ROBO2: variants seen among roughly 807,000 people sequenced by gnomAD.
The protein encoded by ROBO2 is roundabout homolog 2.
In ROBO2, 53 loss-of-function variants were observed where a neutral mutation model predicts 160.8. The ratio of observed to expected loss-of-function variants is 0.33; its 90% confidence interval spans 0.26 to 0.41. The LOEUF (loss-of-function observed/expected upper bound fraction) is 0.41, where lower values mean the gene tolerates loss of function less well. Ranked by LOEUF, ROBO2 falls within the 10% of genes least tolerant of loss-of-function variation. ROBO2 has a pLI of 1.00. For synonymous variants in ROBO2, 664 were observed against 611.7 expected (o/e 1.09, Z -1.26); for missense variants, 1,577 against 1,722.4 (o/e 0.92, Z 1.49).
chr3:76,960,125 T>TCAATTTGACAC (rs58696276), intron 2 of ROBO2, among the ~76,000 whole-genome samples: 6,515 of 151,974 alleles, frequency 0.043, 444 homozygotes, highest in African/African-American at 0.15. Context: ...GTTTTTGACA[T>TCAATTTGACAC]TTCTCATCAA....
intron 2 of ROBO2, among the ~76,000 whole-genome samples, chr3:75,999,855 A>C (rs2065833327): frequency 6.6e-6 from 1 of 152,242 alleles, no homozygotes; most frequent in Admixed American, 6.5e-5. Context: ...CCTTAAACTC[A>C]TCATGTTGAT....
intron 1 of ROBO2, among the ~76,000 whole-genome samples, chr3:77,053,069 T>C (rs969459597): frequency 6.6e-6 from 1 of 152,216 alleles, no homozygotes; most frequent in Non-Finnish European, 1.5e-5. Context: ...TCTCCTTTTA[T>C]CTTTTGATTA....
intron 2 of ROBO2, among the ~76,000 whole-genome samples, chr3:76,261,944 A>C (rs1446246392): frequency 1.3e-5 from 2 of 152,224 alleles, no homozygotes; most frequent in African/African-American, 4.8e-5. Context: ...TTTTTGGAGG[A>C]GATGTATAGC....
Position 76,608,652 on chromosome 3 carries a change from C to T in ROBO2, c.110-489362C>T, listed in dbSNP as rs6810299. Among the ~76,000 whole-genome samples, 961 of 152,204 alleles carry T rather than the reference C, an allele frequency of 6.3e-3. 11 individuals carry two copies. Among genetic ancestry groups the T allele is most frequent in the South Asian group, 0.059 (286 of 4,816 alleles). On this transcript the variant is annotated intron_variant, in intron 2 of 26. Coordinates refer to the ROBO2 transcript ENST00000487694. ...ATTATTCAAGAAATCTTTGCCCAGACCAACATCCTGGAGAGTTTTCCCAAT... is the reference window on the plus strand; with the variant it reads ...ATTATTCAAGAAATCTTTGCCCAGATCAACATCCTGGAGAGTTTTCCCAAT...
At chr3:75,916,314 A>C (rs978720248) in intron 1 of ROBO2, among the ~76,000 whole-genome samples, 1 of 152,202 alleles carries the variant, frequency 6.6e-6, no homozygotes, top group African/African-American at 2.4e-5. Flanking sequence ...TATCTGATCC[A>C]TCAAAAAATT....
chr3:77,338,635 T>C (rs933619641), intron 2 of ROBO2, among the ~76,000 whole-genome samples: 7 of 152,150 alleles, frequency 4.6e-5, no homozygotes, highest in African/African-American at 1.2e-4. Context: ...AGTGCAGTTA[T>C]TGAATTAAAA....
chr3:76,371,098 G>T (rs573813592), intron 2 of ROBO2, among the ~76,000 whole-genome samples: 10 of 152,062 alleles, frequency 6.6e-5, no homozygotes, highest in Admixed American at 1.3e-4. Flanking sequence ...GTGAATCCAA[G>T]TATGTGAGTG....
intron 2 of ROBO2, among the ~76,000 whole-genome samples, chr3:76,285,479 T>C (rs998870538): frequency 1.3e-5 from 2 of 151,972 alleles, no homozygotes; most frequent in African/African-American, 4.8e-5. Flanking sequence ...AAGTCAAAAA[T>C]TTAATATATT....
chr3:76,130,651 A>G (rs892871076), intron 2 of ROBO2, among the ~76,000 whole-genome samples: 2 of 152,140 alleles, frequency 1.3e-5, no homozygotes, highest in Non-Finnish European at 1.5e-5. Context: ...AACCATAAGC[A>G]GGCCACATAG....
chr3:77,411,396 T>C (rs1252137591), intron 2 of ROBO2, among the ~76,000 whole-genome samples: 1 of 152,174 alleles, frequency 6.6e-6, no homozygotes, highest in Non-Finnish European at 1.5e-5. Flanking sequence ...TCAGATAAAT[T>C]TGTGTATGTG....
intron 2 of ROBO2, among the ~76,000 whole-genome samples, chr3:76,526,533 T>G (rs1466510038): frequency 6.6e-6 from 1 of 152,236 alleles, no homozygotes; most frequent in East Asian, 1.9e-4. Flanking sequence ...GTGACAGAAT[T>G]ATCCTAATGT....
intron 1 of ROBO2, among the ~76,000 whole-genome samples, chr3:77,094,905 G>T (rs2070834846): frequency 6.6e-6 from 1 of 151,900 alleles, no homozygotes; most frequent in Admixed American, 6.6e-5. Flanking sequence ...TTTTTATTGA[G>T]TTATGAGTTC....
At chr3:77,546,613 T>A (rs2092707216) in intron 7 of ROBO2, 151 bp downstream of exon 8, 1 of 996,788 alleles carries the variant, frequency 1.0e-6, no homozygotes, top group South Asian at 1.4e-5. Context: ...TAAGTAGGAG[T>A]CAGATGTTCT....
intron 2 of ROBO2, among the ~76,000 whole-genome samples, chr3:75,982,820 T>C (rs1191189677): frequency 1.3e-5 from 2 of 151,442 alleles, no homozygotes; most frequent in Admixed American, 1.3e-4. Context: ...TTAATGTACC[T>C]ATGCAAGTCC....
rs77264790 is a variant in ROBO2, at chr3:77,185,788, A to G, written c.388+87448A>G. Among the ~76,000 whole-genome samples the G allele has an allele frequency of 4.8e-3, 687 of 143,392 alleles. 2 individuals are homozygous for G. The highest frequency in any genetic ancestry group is 0.018 in the African/African-American group (640 of 36,498). The allele number at this position is 143,392 out of a possible 152,430, so 94.1% of individuals were successfully genotyped here. On this transcript the variant is annotated intron_variant, in intron 2 of 25. Coordinates refer to ENST00000461745, the Ensembl canonical transcript of ROBO2. ...ATGCCCATCAATCAACGAGTGAATA[A>G]ATAAACTGTGATACACACATATATA...
intron 24 of ROBO2, among the ~76,000 whole-genome samples, chr3:77,635,503 G>T (rs1019020385): frequency 6.6e-6 from 1 of 152,202 alleles, no homozygotes; most frequent in Non-Finnish European, 1.5e-5. Context: ...AGTAGTTGAA[G>T]AGTGTCTTAG....
At chr3:76,033,162 A>G (rs555749081) in intron 2 of ROBO2, among the ~76,000 whole-genome samples, 217 of 152,254 alleles carry the variant, frequency 1.4e-3, no homozygotes, top group Middle Eastern at 3.4e-3. Flanking sequence ...CAGGGGGGAA[A>G]AATATGGTAC....
intron 2 of ROBO2, among the ~76,000 whole-genome samples, chr3:76,106,429 A>G (rs1014926521): frequency 1.3e-5 from 2 of 152,164 alleles, no homozygotes; most frequent in Non-Finnish European, 2.9e-5. Flanking sequence ...ACATGTATAT[A>G]TAGTCCCAAA....
At chr3:77,040,894 TC>T in intron 1 of ROBO2, 48 bp downstream of exon 1, 1 of 1,580,410 alleles carries the variant, frequency 6.3e-7, no homozygotes, top group African/African-American at 1.4e-5. Context: ...CACCCCCCAA[TC>T]CCCCAAAACC....
Sources: allele counts gnomAD v4.1 joint callset (sites outside exome capture counted in the v4.1 genomes callset), GRCh38; gene constraint gnomAD v4.1.1; transcripts MANE v1.5; gene names NCBI Gene and HGNC (gene_info 2026-07-23, HGNC 2026-07-21).